The following TAF15 variants were observed in gnomAD, a reference collection of about 807,000 sequenced individuals.
TAF15 encodes TATA-binding protein-associated factor 2N.
A neutral mutation model predicts 102.5 loss-of-function variants in TAF15; 37 were observed. The observed-to-expected ratio is 0.36, with a 90% CI of 0.28 to 0.47. TAF15 has a LOEUF of 0.47. Ranked by LOEUF, TAF15 falls within the 20% of genes least tolerant of loss-of-function variation. The probability of loss-of-function intolerance (pLI) is 0.99; values close to 1 mark genes in which losing one functional copy is unlikely to be tolerated. For synonymous variants in TAF15, 273 were observed against 259.2 expected (o/e 1.05, Z -0.51); for missense variants, 652 against 760.7 (o/e 0.86, Z 1.68).
intron 1 of TAF15, chr17:35,809,834 C>G (rs1264628950): frequency 8.4e-6 from 5 of 596,276 alleles, no homozygotes; most frequent in Non-Finnish European, 1.5e-5. Flanking sequence ...GGAGACTTGC[C>G]GTTCCCGGGG....
intron 10 of TAF15, among the ~76,000 whole-genome samples, chr17:35,836,980 G>A (rs2087482712): frequency 6.6e-6 from 1 of 152,004 alleles, no homozygotes; most frequent in African/African-American, 2.4e-5. Context: ...CACTGTGTTG[G>A]CCAGGATGGT....
At position 35,822,940 on chromosome 17, in the gene TAF15, G is replaced by T; in HGVS notation, c.484+107G>T. On this transcript the variant is annotated intron_variant, in intron 6 of 15. Transcript: ENST00000605844. The stretch of plus-strand genomic sequence containing the variant: ...GATTTCACCTGTTTGTAAAAATTTA[G>T]GGTAACCTTGAAGATATGTTCCCTC... The T allele has an allele frequency of 2.2e-6, 3 of 1,375,582 alleles. No individual in the cohort carries two copies. In the Admixed American group the frequency reaches 5.4e-5, roughly 25 times the overall value. 85.2% of individuals were successfully genotyped at this position (1,375,582 alleles called of 1,614,324 possible).
chr17:35,839,281 CAA>C (rs58542498), intron 11 of TAF15, among the ~76,000 whole-genome samples: 1 of 90,710 alleles, frequency 1.1e-5, no homozygotes, highest in Non-Finnish European at 2.2e-5. Flanking sequence ...AACCTGTCTC[CAA>C]AAAAAAAAAC....
At chr17:35,810,199 A>T in intron 1 of TAF15, 1 of 155,052 alleles carries the variant, frequency 6.4e-6, no homozygotes, top group South Asian at 1.9e-4. Flanking sequence ...CTTCCTCTTC[A>T]CCCTCCTGCC....
chr17:35,836,458 T>C (rs1283290994), intron 10 of TAF15, among the ~76,000 whole-genome samples: 1 of 152,220 alleles, frequency 6.6e-6, no homozygotes, highest in Non-Finnish European at 1.5e-5. Context: ...ACCTGTGCTT[T>C]AGCTTCCATC....
At chr17:35,817,139 A>G (rs2087205524) in intron 1 of TAF15, 1 of 152,222 alleles carries the variant, frequency 6.6e-6, no homozygotes, top group South Asian at 2.1e-4. Context: ...TGAAGCTACA[A>G]GCAGGTATTG....
At chr17:35,833,092 G>A (rs144837164) in intron 7 of TAF15, among the ~76,000 whole-genome samples, 1 of 152,146 alleles carries the variant, frequency 6.6e-6, no homozygotes, top group African/African-American at 2.4e-5. Flanking sequence ...GGGAGGTGGA[G>A]GTTGCAGTGA....
Position 35,844,615 on chromosome 17 carries a change from G to A in TAF15, c.1316G>A (p.Gly439Glu). ...AGAAGCAGCGGTGGTGGCTACAGCG[G>A]AGATAGAAGTGGGGGCGGCTATGGT... ...GDRSSGGGYS[G>E]DRSGGGYGGD... Residue 439 changes from glycine to glutamate, a missense_variant, in exon 15 of 16, where the codon GGA becomes GAA. By Grantham distance (98) the Gly-to-Glu change is moderately conservative. Transcript: ENST00000605844. 6.3e-7 allele frequency: 1 copy of A among 1,598,106 alleles called. No individual in the cohort carries two copies. Among genetic ancestry groups the A allele is most frequent in the Non-Finnish European group, 8.5e-7 (1 of 1,171,758 alleles).
At chr17:35,809,657 C>T (rs2087100873) in intron 1 of TAF15, 81 bp downstream of exon 1, 1 of 1,596,776 alleles carries the variant, frequency 6.3e-7, no homozygotes, top group Non-Finnish European at 8.6e-7. Flanking sequence ...CACCGGAGGG[C>T]CCTGAGGAGA....
rs544056908 is a variant in TAF15, at chr17:35,812,710, T to C, written c.7+3134T>C. On this transcript the variant is annotated intron_variant, in intron 1 of 15. Transcript: ENST00000605844. ...ATGTTCATAGTAAATTGCAGAGCTT[T>C]AGGAAACATTTCACTGAAATGAGAG... is the stretch of plus-strand genomic sequence containing the variant. 3.9e-5 allele frequency among the ~76,000 whole-genome samples: 6 copies of C among 152,054 alleles called. No individual in the cohort carries two copies. The South Asian group carries it at 1.2e-3, about 32-fold the overall frequency.
chr17:35,842,489 T>TACTATCC, intron 12 of TAF15, 30 bp downstream of exon 12: 1 of 1,555,352 alleles, frequency 6.4e-7, no homozygotes, highest in Non-Finnish European at 8.9e-7. Context: ...CAGTCCTGGA[T>TACTATCC]ACTATCCAAG....
At chr17:35,824,320 A>G (rs2087300081) in intron 7 of TAF15, 122 bp downstream of exon 7, 1 of 1,313,170 alleles carries the variant, frequency 7.6e-7, no homozygotes, top group Non-Finnish European at 1.0e-6. Flanking sequence ...AAAAGGGATT[A>G]TATATTGGAG....
intron 1 of TAF15, among the ~76,000 whole-genome samples, chr17:35,815,935 T>C (rs2087189844): frequency 6.6e-6 from 1 of 152,178 alleles, no homozygotes; most frequent in South Asian, 2.1e-4. Context: ...TTCATAGAAG[T>C]AGTAGTTTGT....
chr17:35,819,814 C>A lies in TAF15; in HGVS notation c.48-210C>A, dbSNP rs4251737. 0.16 allele frequency among the ~76,000 whole-genome samples: 24,178 copies of A among 152,010 alleles called. 2,134 individuals carry two copies. The highest frequency in any genetic ancestry group is 0.33 in the East Asian group (1,691 of 5,158). ...AAACAAAACTTTGGGTATTTGTTTC[C>A]CATTCAGGAGATCTGGGAGTGACTT... On this transcript the variant is annotated intron_variant, in intron 2 of 15. Transcript: ENST00000605844.
chr17:35,831,872 G>A (rs900669640), intron 7 of TAF15, among the ~76,000 whole-genome samples: 2 of 151,744 alleles, frequency 1.3e-5, no homozygotes, highest in African/African-American at 4.8e-5. Flanking sequence ...CACGAGGTCA[G>A]GAGATCGAGA....
chr17:35,840,889 C>T, intron 11 of TAF15, among the ~76,000 whole-genome samples: 1 of 152,020 alleles, frequency 6.6e-6, no homozygotes, highest in African/African-American at 2.4e-5. Flanking sequence ...ATTGTAGTAC[C>T]CTGTCTGTCC....
At position 35,820,225 on chromosome 17, in the gene TAF15, C is replaced by G. The variant is rs2087242816; in HGVS notation, c.161C>G (p.Ser54Cys). The change falls in exon 4 of 16, where the codon TCC becomes TGC. Residue 54 changes from serine to cysteine, a missense_variant. Physicochemically the swap from Ser to Cys is moderately radical, Grantham distance 112. Around this residue, in one of 3 missense-constraint regions of TAF15, gnomAD observed 243 missense variants for 284.1 expected, o/e 0.86. Coordinates refer to ENST00000605844, the MANE Select transcript of TAF15 (RefSeq NM_139215.3). The stretch of plus-strand genomic sequence containing the variant: ...TATGGACAGAACTACAGCGGTTACT[C>G]CAGTTATGGACAAAGTCAGTCAGGT... ...SSYGQNYSGYSSYGQSQSGYS... is the reference protein window; with the variant it reads ...SSYGQNYSGYCSYGQSQSGYS... 6.2e-7 allele frequency: 1 copy of G among 1,613,906 alleles called. No individual in the cohort carries two copies. The highest frequency in any genetic ancestry group is 1.1e-5 in the South Asian group (1 of 91,084).
intron 15 of TAF15, among the ~76,000 whole-genome samples, chr17:35,845,828 G>A (rs917534415): frequency 1.3e-5 from 2 of 152,170 alleles, no homozygotes; most frequent in African/African-American, 4.8e-5. Context: ...ATTTGTTTCG[G>A]TGTATCTGTG....
intron 1 of TAF15, among the ~76,000 whole-genome samples, chr17:35,814,470 T>C (rs75100616): frequency 6.8e-6 from 1 of 147,422 alleles, no homozygotes; most frequent in Non-Finnish European, 1.5e-5. Flanking sequence ...ACCCAGCTGA[T>C]TTTTTTTTTT....
Sources: allele counts gnomAD v4.1 joint callset (sites outside exome capture counted in the v4.1 genomes callset), GRCh38; gene constraint gnomAD v4.1.1; regional missense constraint gnomAD v4.1.1; transcripts MANE v1.5; gene names NCBI Gene and HGNC (gene_info 2026-07-23, HGNC 2026-07-21).